The following USP37 variants were observed in gnomAD, a reference collection of about 807,000 sequenced individuals.
The protein encoded by USP37 is ubiquitin specific peptidase 37.
A neutral mutation model predicts 124.0 loss-of-function variants in USP37; 27 were observed. That is an observed-to-expected ratio of 0.22 (90% confidence interval 0.16 to 0.30). The LOEUF (loss-of-function observed/expected upper bound fraction) is 0.30. Among genes scored for constraint, USP37 ranks in the 10% least tolerant of loss-of-function variants. The pLI is 1.00. For synonymous variants in USP37, 365 were observed against 388.0 expected (o/e 0.94, Z 0.70); for missense variants, 889 against 1,140.4 (o/e 0.78, Z 3.17).
intron 8 of USP37, 67 bp downstream of exon 8, chr2:218,546,154 C>T (rs1031476650): frequency 2.4e-6 from 3 of 1,276,536 alleles, no homozygotes; most frequent in Non-Finnish European, 3.3e-6. Context: ...CAATCTTCCC[C>T]AGTGGTTACA....
chr2:218,504,706 A>T (rs1689589280), intron 11 of USP37, among the ~76,000 whole-genome samples: 1 of 152,130 alleles, frequency 6.6e-6, no homozygotes, highest in South Asian at 2.1e-4. Flanking sequence ...AAGCGCTAGG[A>T]TTACAGATGT....
At chr2:218,457,764 A>C (rs1443049625) in intron 23 of USP37, among the ~76,000 whole-genome samples, 1 of 152,050 alleles carries the variant, frequency 6.6e-6, no homozygotes, top group African/African-American at 2.4e-5. Flanking sequence ...TTGGGGAAGG[A>C]AGGCCAGGCG....
At position 218,455,510 on chromosome 2, in the gene USP37, G is replaced by GA. The variant is rs55939134; in HGVS notation, c.2852+69dup. On this transcript the variant is annotated intron_variant, in intron 25 of 25. Coordinates refer to ENST00000258399, the MANE Select transcript of USP37 (RefSeq NM_020935.3). Reference sequence around the variant, plus strand: ...TGATGGAAACATTTTATCCTCAAAGGAAAAAAAAAAAAAAAAAAGAGTTCC... The same window carrying GA: ...TGATGGAAACATTTTATCCTCAAAGGAAAAAAAAAAAAAAAAAAAGAGTTCC... 853 of 1,339,548 alleles carry GA rather than the reference G, an allele frequency of 6.4e-4. 5 individuals are homozygous for GA. The African/African-American group carries it at 9.6e-3, about 15-fold the overall frequency. The allele number at this position is 1,339,548 out of a possible 1,614,324, so 83.0% of individuals were successfully genotyped here.
rs1218688012 is a variant in USP37, at chr2:218,497,725, A to G, written c.1281+9T>C. The stretch of plus-strand genomic sequence containing the variant: ...GCCTCTGAAACGTTTTAAAACAATT[A>G]ATACTCACATTCTGCATATAACCAG... On this transcript the variant is annotated intron_variant, in intron 13 of 25. Coordinates refer to ENST00000258399, the MANE Select transcript of USP37 (RefSeq NM_020935.3). 6.2e-7 allele frequency: 1 copy of G among 1,613,680 alleles called. No homozygotes were observed. The highest frequency in any genetic ancestry group is 8.5e-7 in the Non-Finnish European group (1 of 1,179,846).
At chr2:218,474,394 C>T (rs1057169175) in intron 20 of USP37, among the ~76,000 whole-genome samples, 1 of 152,150 alleles carries the variant, frequency 6.6e-6, no homozygotes, top group Non-Finnish European at 1.5e-5. Flanking sequence ...AGGAGTCTCA[C>T]TCTGTCGCCC....
chr2:218,496,165 TC>T (rs1333107046), intron 13 of USP37, among the ~76,000 whole-genome samples: 2 of 151,934 alleles, frequency 1.3e-5, no homozygotes, highest in Non-Finnish European at 2.9e-5. Flanking sequence ...GTGGTGGCAG[TC>T]CCTGTAATCC....
In USP37 at chr2:218,553,696, A is replaced by C. The variant is rs1036456263; in HGVS notation, c.185T>G (p.Leu62Arg). ...QLSHNIKNVV[L>R]RPSGAKQSRL... ...GCTTTGTTTCGCTCCACTGGGTCGA[A>C]GCACCACATTTTTAATGTTATGACT... The change falls in exon 5 of 26, where the codon CTT (leucine) becomes CGT (arginine). Residue 62 changes from leucine (L) to arginine (R), a missense_variant. Leu to Arg is a moderately radical substitution (Grantham distance 102). Coordinates refer to ENST00000258399, the MANE Select transcript of USP37 (RefSeq NM_020935.3). 9 of 1,612,182 alleles carry C rather than the reference A, an allele frequency of 5.6e-6. No homozygotes were observed. Among genetic ancestry groups the C allele is most frequent in the Non-Finnish European group, 6.8e-6 (8 of 1,179,144 alleles).
intron 15 of USP37, 106 bp downstream of exon 15, chr2:218,488,188 AAAAAAAAAAG>A: frequency 1.6e-6 from 1 of 634,192 alleles, no homozygotes; most frequent in South Asian, 2.7e-5. Context: ...AAAAAAAAAA[AAAAAAAAAAG>A]AAAAGAAAAG....
At chr2:218,474,224 T>C (rs1365759557) in intron 20 of USP37, among the ~76,000 whole-genome samples, 3 of 152,206 alleles carry the variant, frequency 2.0e-5, no homozygotes, top group Admixed American at 1.3e-4. Flanking sequence ...TAGTGATGTA[T>C]ACCTAAAGGG....
chr2:218,558,748 T>G, intron 3 of USP37, 71 bp from the exon 4 acceptor site: 1 of 1,132,506 alleles, frequency 8.8e-7, no homozygotes, highest in Non-Finnish European at 1.2e-6. Flanking sequence ...AAGTTATAAC[T>G]TACTAGTAAT....
intron 10 of USP37, among the ~76,000 whole-genome samples, chr2:218,516,965 T>A (rs1480279186): frequency 6.6e-6 from 1 of 152,240 alleles, no homozygotes; most frequent in African/African-American, 2.4e-5. Flanking sequence ...TTTCCTTATT[T>A]CTTTCTCTGA....
chr2:218,525,551 A>G (rs889272492), intron 10 of USP37, among the ~76,000 whole-genome samples: 1 of 152,190 alleles, frequency 6.6e-6, no homozygotes, highest in African/African-American at 2.4e-5. Flanking sequence ...TAGGTATAGA[A>G]GTTTTTGATA....
At position 218,466,107 on chromosome 2, in the gene USP37, G is replaced by C. The variant is rs532628516; in HGVS notation, c.2369C>G (p.Ser790Cys). 6.4e-5 allele frequency: 104 copies of C among 1,613,930 alleles called. 1 individual carries two copies. The South Asian group carries it at 1.1e-3, about 17-fold the overall frequency. The change falls in exon 21 of 26, where the codon TCT (serine) becomes TGT (cysteine). Residue 790 changes from serine (S) to cysteine (C), a missense_variant. By Grantham distance (112) the Ser-to-Cys change is moderately radical. Around this residue, in one of 3 missense-constraint regions of USP37, gnomAD observed 504 missense variants for 714.3 expected, o/e 0.71. Transcript: ENST00000258399. Reference protein sequence around the residue: ...ENKENKTPEGSQGEVDWLQQY... With the variant: ...ENKENKTPEGCQGEVDWLQQY... Reference sequence around the variant, plus strand: ...CTGGAGCCAATCAACTTCTCCCTGAGATCCTTCTGGAGTTTTGTTTTCTTT... The same window carrying C: ...CTGGAGCCAATCAACTTCTCCCTGACATCCTTCTGGAGTTTTGTTTTCTTT...
At chr2:218,546,161 TA>T in intron 8 of USP37, 59 bp downstream of exon 8, 1 of 1,375,260 alleles carries the variant, frequency 7.3e-7, no homozygotes, top group Admixed American at 2.1e-5. Context: ...CCCCAGTGGT[TA>T]CAAATACCAA....
At chr2:218,488,559 G>A in intron 14 of USP37, 138 bp from the exon 15 acceptor site, 1 of 553,038 alleles carries the variant, frequency 1.8e-6, no homozygotes, top group South Asian at 3.7e-5. Flanking sequence ...ATACATTTAA[G>A]ACTTTTTCAT....
In USP37 at chr2:218,476,635, T is replaced by C. The variant is rs554682473; in HGVS notation, c.2043+205A>G. 1.9e-4 allele frequency among the ~76,000 whole-genome samples: 29 copies of C among 152,302 alleles called. 1 individual carries two copies. The South Asian group carries it at 5.4e-3, about 28-fold the overall frequency. ...TGAGGACGAATATGCAAAAGTAGCTTTGAAGGGCAAAAAAAGAAAGTAATT... is the reference window on the plus strand; with the variant it reads ...TGAGGACGAATATGCAAAAGTAGCTCTGAAGGGCAAAAAAAGAAAGTAATT... On this transcript the variant is annotated intron_variant, in intron 19 of 25. Coordinates refer to ENST00000258399, the MANE Select transcript of USP37 (RefSeq NM_020935.3).
chr2:218,479,844 C>T (rs760938737), intron 17 of USP37, 129 bp from the exon 18 acceptor site: 40 of 506,270 alleles, frequency 7.9e-5, no homozygotes, highest in Non-Finnish European at 1.1e-4. Flanking sequence ...AATTATAATA[C>T]TTTTTAAATT....
chr2:218,465,269 G>A lies in USP37; in HGVS notation c.2466+741C>T, dbSNP rs552109127. Reference sequence around the variant, plus strand: ...TGGTGTTATACTGGTTGTTTCTACAGCTTGCAAAATAATGCTGGACTGGGA... The same window carrying A: ...TGGTGTTATACTGGTTGTTTCTACAACTTGCAAAATAATGCTGGACTGGGA... On this transcript the variant is annotated intron_variant, in intron 21 of 25. Transcript: ENST00000258399. Among the ~76,000 whole-genome samples, 24 of 152,004 alleles carry A rather than the reference G, an allele frequency of 1.6e-4. No homozygotes were observed. The South Asian group carries it at 2.1e-3, about 13-fold the overall frequency.
At chr2:218,508,935 ATAAGT>A (rs1001183992) in intron 11 of USP37, among the ~76,000 whole-genome samples, 6 of 152,232 alleles carry the variant, frequency 3.9e-5, no homozygotes, top group African/African-American at 1.2e-4. Flanking sequence ...TTAAAAACAA[ATAAGT>A]TAATAGGTTA....
Sources: gnomAD v4.1 joint callset for allele counts (sites outside exome capture counted in the v4.1 genomes callset) on GRCh38, gnomAD v4.1.1 for gene constraint, gnomAD v4.1.1 regional missense constraint, MANE v1.5 for transcripts, NCBI Gene and HGNC (gene_info 2026-07-23, HGNC 2026-07-21) for gene names.